The following ABCA4 variants were observed in gnomAD, a reference collection of about 807,000 sequenced individuals.
ABCA4 encodes retinal-specific phospholipid-transporting ATPase ABCA4.
In ABCA4, 196 loss-of-function variants were observed where a neutral mutation model predicts 263.7. That is an observed-to-expected ratio of 0.74 (90% CI 0.66 to 0.84). ABCA4 has a LOEUF of 0.84. Among genes scored for constraint, ABCA4 ranks in the 40% least tolerant of loss-of-function variants. ABCA4 has a pLI of 0.00. For synonymous variants in ABCA4, 1,133 were observed against 1,094.2 expected, an observed-to-expected ratio of 1.04 and a Z score of -0.70; for missense variants, 2,792 against 2,855.1, an observed-to-expected ratio of 0.98 and a Z score of 0.50.
intron 44 of ABCA4, among the ~76,000 whole-genome samples, 171 bp from the exon 45 acceptor site, chr1:94,002,163 CAG>C (rs1260641895): frequency 1.3e-5 from 2 of 152,326 alleles, no homozygotes; most frequent in African/African-American, 2.4e-5. Flanking sequence ...AGGCGCCAGA[CAG>C]GGGCTCTTTC....
intron 11 of ABCA4, among the ~76,000 whole-genome samples, chr1:94,075,041 C>T (rs1661503062): frequency 6.6e-6 from 1 of 152,180 alleles, no homozygotes; most frequent in Admixed American, 6.5e-5. Context: ...AGCCATCATC[C>T]TCAGCAAACT....
At chr1:94,097,038 C>T (rs940513801) in intron 6 of ABCA4, among the ~76,000 whole-genome samples, 3 of 152,222 alleles carry the variant, frequency 2.0e-5, no homozygotes, top group African/African-American at 2.4e-5. Context: ...CCTTTGTTGC[C>T]TCACTCTTCT....
chr1:94,004,314 T>A (rs1659309115), intron 44 of ABCA4, among the ~76,000 whole-genome samples: 1 of 152,218 alleles, frequency 6.6e-6, no homozygotes, highest in Admixed American at 6.5e-5. Flanking sequence ...TTTTCCCTTT[T>A]CCATATTTGT....
intron 1 of ABCA4, 93 bp downstream of exon 1, chr1:94,120,887 G>GGGCCCC: frequency 1.5e-5 from 5 of 339,360 alleles, no homozygotes; most frequent in Non-Finnish European, 2.1e-5. Context: ...CCCCCACCCT[G>GGGCCCC]CCCCACCACC....
chr1:94,017,403 CA>C (rs1197092261), intron 36 of ABCA4, among the ~76,000 whole-genome samples: 2 of 152,216 alleles, frequency 1.3e-5, no homozygotes, highest in African/African-American at 4.8e-5. Flanking sequence ...CAGACAAGCT[CA>C]GACCAAGGGA....
At chr1:94,048,985 C>T in intron 17 of ABCA4, 28 bp from the exon 18 acceptor site, 2 of 1,610,516 alleles carry the variant, frequency 1.2e-6, no homozygotes, top group Non-Finnish European at 8.5e-7. Flanking sequence ...CAGTGTTACT[C>T]TACCACCGGG....
intron 38 of ABCA4, among the ~76,000 whole-genome samples, chr1:94,011,783 C>T (rs866386626): frequency 1.3e-5 from 2 of 152,336 alleles, no homozygotes; most frequent in Middle Eastern, 3.4e-3. Flanking sequence ...TTACCCCTCC[C>T]CTAGGTGACT....
rs1161119501 is a variant in ABCA4 at position 94,008,764 on chromosome 1, T to G, written c.5822A>C (p.His1941Pro). The G allele has an allele frequency of 6.2e-7, 1 of 1,614,144 alleles. No individual in the cohort carries two copies. Among genetic ancestry groups the G allele is most frequent in the Non-Finnish European group, 8.5e-7 (1 of 1,180,004 alleles). Residue 1941 changes from histidine to proline, a missense_variant, in exon 41 of 50, where the codon CAT (histidine) becomes CCT (proline). Coordinates refer to ENST00000370225, the MANE Select transcript of ABCA4 (RefSeq NM_000350.3). ...CCATTCCCTTACCTTGGTTAGTTCA[T>G]GTAGCCTTAAGATGTCAGTTTTATT... ...GGNKTDILRL[H>P]ELTKIYPGTS...
intron 38 of ABCA4, among the ~76,000 whole-genome samples, chr1:94,013,715 G>A (rs1209489818): frequency 1.3e-5 from 2 of 152,230 alleles, no homozygotes; most frequent in Non-Finnish European, 2.9e-5. Context: ...TCAGGTGGAA[G>A]GGACAACTGG....
At chr1:94,053,532 G>A (rs1660895362) in intron 16 of ABCA4, among the ~76,000 whole-genome samples, 1 of 152,224 alleles carries the variant, frequency 6.6e-6, no homozygotes, top group African/African-American at 2.4e-5. Flanking sequence ...TAGTTGAGAT[G>A]AGGTCACATG....
intron 1 of ABCA4, among the ~76,000 whole-genome samples, chr1:94,113,545 A>G (rs925076206): frequency 6.6e-6 from 1 of 152,254 alleles, no homozygotes; most frequent in Non-Finnish European, 1.5e-5. Flanking sequence ...GCAGTGTCAC[A>G]TCAGCAGTGG....
At chr1:94,025,568 ACACTCCCCTC>A (rs1660019011) in intron 30 of ABCA4, 1 of 166,866 alleles carries the variant, frequency 6.0e-6, no homozygotes, top group Admixed American at 5.7e-5. Context: ...CTCACCTGCC[ACACTCCCCTC>A]CCTGTCTCTC....
At chr1:94,079,249 TCACACACACA>T (rs4147886) in intron 9 of ABCA4, 63 bp downstream of exon 9, 41 of 1,429,450 alleles carry the variant, frequency 2.9e-5, no homozygotes, top group Non-Finnish European at 3.8e-5. Flanking sequence ...CACATCTCTC[TCACACACACA>T]CACACACACA....
Position 94,001,851 on chromosome 1 carries a change from C to T in ABCA4, c.6282+7G>A, listed in dbSNP as rs17110761. On this transcript the variant is annotated splice_region_variant and intron_variant, in intron 45 of 49. Coordinates refer to ENST00000370225, the MANE Select transcript of ABCA4 (RefSeq NM_000350.3). ...AAGCCCTTGGTGCGGCCCAAGCCCG[C>T]AGTTACCAGCAGCACCAGCGGTGGG... is the stretch of plus-strand genomic sequence containing the variant. 117,016 of 1,614,088 alleles carry T rather than the reference C, an allele frequency of 0.072. 6,526 individuals carry two copies. Among genetic ancestry groups the T allele is most frequent in the African/African-American group, 0.3 (22,431 of 74,986 alleles).
In ABCA4 at chr1:94,021,238, A is replaced by T. The variant is rs61750562; in HGVS notation, c.5018+2T>A. 1.2e-6 allele frequency: 2 copies of T among 1,614,218 alleles called. No individual in the cohort carries two copies. The highest frequency in any genetic ancestry group is 1.7e-5 in the Admixed American group (1 of 60,020). ...GGTGAGGCTGGGGCTGTGGTGGCTT[A>T]CACTGTAATCTCTGAGAGCTGCTCC... On this transcript the variant is annotated splice_donor_variant, in intron 35 of 49. Transcript: ENST00000370225. LOFTEE classifies it high-confidence loss of function.
intron 22 of ABCA4, among the ~76,000 whole-genome samples, chr1:94,041,860 A>G (rs947421792): frequency 5.9e-5 from 9 of 152,134 alleles, no homozygotes; most frequent in Non-Finnish European, 1.3e-4. Context: ...CTTTGGGAGG[A>G]CAAGGCGGGA....
chr1:94,050,511 C>T (rs1660806983), intron 17 of ABCA4, among the ~76,000 whole-genome samples: 2 of 152,254 alleles, frequency 1.3e-5, no homozygotes, highest in East Asian at 1.9e-4. Context: ...ATTTGCCTTC[C>T]GTTGGCAAAC....
At chr1:94,041,159 G>C in intron 23 of ABCA4, 50 bp downstream of exon 23, 2 of 1,600,040 alleles carry the variant, frequency 1.2e-6, no homozygotes, top group Non-Finnish European at 1.7e-6. Flanking sequence ...GCCCCGTGCT[G>C]TGTGCTCCTT....
rs1338235785 is a variant in ABCA4 at position 94,005,600 on chromosome 1, A to G, written c.6006-18T>C. On this transcript the variant is annotated intron_variant, in intron 43 of 49. Coordinates refer to ENST00000370225, the MANE Select transcript of ABCA4 (RefSeq NM_000350.3). The stretch of plus-strand genomic sequence containing the variant: ...TTAAAATACTGCAAGAAAAAAAGCA[A>G]TTACTGAGTATCCTTCAAGGAGTGG... The G allele has an allele frequency of 1.7e-5, 28 of 1,612,304 alleles. No homozygotes were observed. The highest frequency in any genetic ancestry group is 2.2e-5 in the Non-Finnish European group (26 of 1,178,570).
Sources: gnomAD v4.1 joint callset for allele counts (sites outside exome capture counted in the v4.1 genomes callset) on GRCh38, gnomAD v4.1.1 for gene constraint, MANE v1.5 for transcripts, NCBI Gene and HGNC (gene_info 2026-07-23, HGNC 2026-07-21) for gene names.